ADGRL3: variants seen among roughly 807,000 people sequenced by gnomAD.
The protein encoded by ADGRL3 is adhesion G protein-coupled receptor L3, also known as calcium-independent alpha-latrotoxin receptor 3.
Under a neutral mutation model 153.5 loss-of-function variants are expected in ADGRL3, and 62 were observed. The observed-to-expected ratio is 0.40, with a 90% confidence interval of 0.33 to 0.50. ADGRL3 has a LOEUF of 0.50. Among genes scored for constraint, ADGRL3 ranks in the 20% least tolerant of loss-of-function variants. The probability of loss-of-function intolerance (pLI) is 0.47; values close to 1 mark genes in which losing one functional copy is unlikely to be tolerated. For synonymous variants in ADGRL3, 710 were observed against 672.5 expected (o/e 1.06, Z -0.86); for missense variants, 1,641 against 1,859.4 (o/e 0.88, Z 2.16).
chr4:61,322,990 C>T (rs2095392426), intron 1 of ADGRL3, among the ~76,000 whole-genome samples: 1 of 152,232 alleles, frequency 6.6e-6, no homozygotes, highest in Non-Finnish European at 1.5e-5. Flanking sequence ...AAACTTCTGC[C>T]TGGGCATCCA....
chr4:61,830,260 G>C (rs1216695684), intron 9 of ADGRL3, among the ~76,000 whole-genome samples: 2 of 152,058 alleles, frequency 1.3e-5, no homozygotes, highest in Non-Finnish European at 2.9e-5. Context: ...AGCTACTCAG[G>C]AGGCTAAGGC....
chr4:61,503,246 G>T (rs1429282040), intron 3 of ADGRL3, among the ~76,000 whole-genome samples: 1 of 151,984 alleles, frequency 6.6e-6, no homozygotes, highest in Non-Finnish European at 1.5e-5. Flanking sequence ...TGCAAAAGGT[G>T]TTACGTATGA....
At chr4:61,986,519 A>T (rs1391689857) in intron 19 of ADGRL3, among the ~76,000 whole-genome samples, 1 of 152,198 alleles carries the variant, frequency 6.6e-6, no homozygotes, top group Non-Finnish European at 1.5e-5. Flanking sequence ...CTGCACCGTA[A>T]CTGGAAGCTC....
chr4:61,706,796 T>C (rs1305005199), intron 6 of ADGRL3, among the ~76,000 whole-genome samples: 2 of 152,206 alleles, frequency 1.3e-5, no homozygotes, highest in African/African-American at 2.4e-5. Context: ...ACTGTTTTGC[T>C]TTTTTAATAT....
At chr4:61,595,290 G>A (rs1467944579) in intron 5 of ADGRL3, among the ~76,000 whole-genome samples, 1 of 152,106 alleles carries the variant, frequency 6.6e-6, no homozygotes, top group Non-Finnish European at 1.5e-5. Flanking sequence ...TCTGAAGCCA[G>A]CACGTCTCAG....
intron 9 of ADGRL3, among the ~76,000 whole-genome samples, chr4:61,821,628 A>G (rs1481580715): frequency 5.9e-5 from 9 of 152,118 alleles, no homozygotes; most frequent in African/African-American, 1.9e-4. Context: ...TACATTTGCA[A>G]ACTGTTGACA....
intron 9 of ADGRL3, among the ~76,000 whole-genome samples, chr4:61,884,724 A>C (rs1453846263): frequency 6.6e-6 from 1 of 151,842 alleles, no homozygotes; most frequent in Non-Finnish European, 1.5e-5. Flanking sequence ...CGCGGGGTTC[A>C]AGCAATTCTC....
At position 61,259,401 on chromosome 4, in the gene ADGRL3, C is replaced by A. The variant is rs191454249; in HGVS notation, c.-240+57636C>A. Among the ~76,000 whole-genome samples, 275 of 150,596 alleles carry A rather than the reference C, an allele frequency of 1.8e-3. 2 individuals carry two copies. Among genetic ancestry groups the A allele is most frequent in the Non-Finnish European group, 2.8e-3 (192 of 67,722 alleles). On this transcript the variant is annotated intron_variant, in intron 1 of 26. Coordinates refer to ENST00000683033, the MANE Select transcript of ADGRL3 (RefSeq NM_001387552.1). ...TTGCGCCACTGCACTCCAGCCTGGG[C>A]GACAGAGTGAGACTCTGTCTCAAAA...
At chr4:61,842,060 C>CT (rs750920475) in intron 9 of ADGRL3, among the ~76,000 whole-genome samples, 16 of 152,052 alleles carry the variant, frequency 1.1e-4, no homozygotes, top group South Asian at 4.2e-4. Flanking sequence ...TTTAAATCTG[C>CT]TTTTTTTTAA....
At chr4:61,971,103 A>C (rs1453447654) in intron 17 of ADGRL3, among the ~76,000 whole-genome samples, 1 of 151,960 alleles carries the variant, frequency 6.6e-6, no homozygotes. Context: ...TTCAGAATAC[A>C]ATATGTTGAA....
intron 5 of ADGRL3, among the ~76,000 whole-genome samples, chr4:61,617,894 G>A (rs372612651): frequency 6.6e-6 from 1 of 152,160 alleles, no homozygotes; most frequent in African/African-American, 2.4e-5. Context: ...CTGCTCTGTA[G>A]CAAGGAAATC....
At position 61,344,366 on chromosome 4, in the gene ADGRL3, G is replaced by A. The variant is rs1048638746; in HGVS notation, c.-239-38758G>A. On this transcript the variant is annotated intron_variant, in intron 1 of 26. Transcript: ENST00000683033. ...TAAAGTACAAGTTAAACAGATGCAC[G>A]CAAGTACAGGATTGTAAAGTTCAAA... Among the ~76,000 whole-genome samples the A allele has an allele frequency of 1.3e-5, 2 of 152,178 alleles. 1 individual carries two copies. Among genetic ancestry groups the A allele is most frequent in the East Asian group, 3.9e-4 (2 of 5,168 alleles).
At chr4:62,026,415 A>G (rs961439727) in intron 21 of ADGRL3, among the ~76,000 whole-genome samples, 3 of 152,100 alleles carry the variant, frequency 2.0e-5, no homozygotes, top group African/African-American at 7.2e-5. Flanking sequence ...CGCTACTTCT[A>G]CATATAACTA....
intron 13 of ADGRL3, among the ~76,000 whole-genome samples, chr4:61,929,005 A>G (rs2098806319): frequency 6.6e-6 from 1 of 152,146 alleles, no homozygotes; most frequent in South Asian, 2.1e-4. Context: ...CTGGTGAGAA[A>G]ATCAGAACAA....
chr4:61,516,393 T>C (rs1035951793), intron 3 of ADGRL3, among the ~76,000 whole-genome samples: 1 of 152,218 alleles, frequency 6.6e-6, no homozygotes, highest in Non-Finnish European at 1.5e-5. Flanking sequence ...AGCAAAATCT[T>C]TTTCTTTGTA....
chr4:61,349,106 G>C (rs1464931219), intron 1 of ADGRL3, among the ~76,000 whole-genome samples: 2 of 151,968 alleles, frequency 1.3e-5, no homozygotes, highest in Non-Finnish European at 2.9e-5. Flanking sequence ...ACCAGCTATT[G>C]TTGAATAAGC....
intron 1 of ADGRL3, among the ~76,000 whole-genome samples, chr4:61,207,872 A>G (rs1395657025): frequency 6.6e-6 from 1 of 152,172 alleles, no homozygotes; most frequent in East Asian, 1.9e-4. Flanking sequence ...TTTTTCTGAG[A>G]TCTGCCTCCT....
intron 2 of ADGRL3, among the ~76,000 whole-genome samples, chr4:61,493,915 T>A (rs2098283430): frequency 6.6e-6 from 1 of 152,242 alleles, no homozygotes. Flanking sequence ...ATGTCTGATT[T>A]TCCTTCTCAG....
At chr4:61,775,431 T>C (rs537967405) in intron 8 of ADGRL3, 98 of 680,928 alleles carry the variant, frequency 1.4e-4, no homozygotes, top group African/African-American at 5.1e-4. Context: ...TGTGTGTGTG[T>C]GCCAAAGATT....
Sources: gnomAD v4.1 joint callset for allele counts (sites outside exome capture counted in the v4.1 genomes callset) on GRCh38, gnomAD v4.1.1 for gene constraint, MANE v1.5 for transcripts, NCBI Gene and HGNC (gene_info 2026-07-23, HGNC 2026-07-21) for gene names.